Variants in PLXNC1 observed in about 807,000 individuals in gnomAD.
The protein encoded by PLXNC1 is plexin C1.
PLXNC1 carries 75 observed loss-of-function variants against 178.2 expected under a neutral mutation model. That is an observed-to-expected ratio of 0.42 (90% CI 0.35 to 0.51). The LOEUF (loss-of-function observed/expected upper bound fraction) is 0.51, where lower values mean the gene tolerates loss of function less well. Ranked by LOEUF, PLXNC1 falls within the 20% of genes least tolerant of loss-of-function variation. The pLI is 0.02. For missense variants in PLXNC1, 1,503 were observed against 1,984.4 expected (o/e 0.76, Z 4.61); for synonymous variants, 790 against 779.9 (o/e 1.01, Z -0.22).
chr12:94,294,867 G>A (rs1339758711), intron 24 of PLXNC1, among the ~76,000 whole-genome samples: 2 of 152,128 alleles, frequency 1.3e-5, no homozygotes, highest in East Asian at 3.8e-4. Context: ...AGATCCCCCT[G>A]GCAAACTGAG....
At chr12:94,211,528 A>C (rs927592505) in intron 5 of PLXNC1, among the ~76,000 whole-genome samples, 16 of 147,196 alleles carry the variant, frequency 1.1e-4, no homozygotes, top group African/African-American at 3.2e-4. Context: ...GTTCAGTTCC[A>C]CCTATTAGCT....
At chr12:94,285,902 C>A (rs935272530) in intron 23 of PLXNC1, among the ~76,000 whole-genome samples, 2 of 152,182 alleles carry the variant, frequency 1.3e-5, no homozygotes, top group Non-Finnish European at 2.9e-5. Flanking sequence ...GGCTTCTCAG[C>A]ATCCCTTGGC....
chr12:94,179,863 C>T (rs897507373), intron 2 of PLXNC1, among the ~76,000 whole-genome samples: 35 of 151,914 alleles, frequency 2.3e-4, no homozygotes, highest in African/African-American at 6.8e-4. Context: ...CTTATTTGAT[C>T]CTTACAAAAC....
At chr12:94,200,346 G>T (rs1340966348) in intron 4 of PLXNC1, among the ~76,000 whole-genome samples, 1 of 152,166 alleles carries the variant, frequency 6.6e-6, no homozygotes, top group Non-Finnish European at 1.5e-5. Context: ...TTGTCTCTGT[G>T]ACCTAATATT....
chr12:94,297,048 T>C lies in PLXNC1; in HGVS notation c.3935-141T>C, dbSNP rs547751149. On this transcript the variant is annotated intron_variant, in intron 24 of 30. Coordinates refer to ENST00000258526, the MANE Select transcript of PLXNC1 (RefSeq NM_005761.3). ...TCTTAAGATGCAGCAGGGGGAAAAA[T>C]GTAGCTATGGAGAGCTCAAGTCAAA... 14 of 732,822 alleles carry C rather than the reference T, an allele frequency of 1.9e-5. No individual in the cohort carries two copies. The South Asian group carries it at 2.4e-4, about 13-fold the overall frequency. The allele number at this position is 732,822 out of a possible 1,614,324, so 45.4% of individuals were successfully genotyped here.
chr12:94,271,025 C>T (rs748795442), intron 21 of PLXNC1, among the ~76,000 whole-genome samples: 2 of 152,194 alleles, frequency 1.3e-5, no homozygotes, highest in East Asian at 1.9e-4. Context: ...ACTTGCACTT[C>T]TAACTGGCCT....
At chr12:94,254,976 A>T in intron 16 of PLXNC1, 88 bp downstream of exon 16, 1 of 1,102,374 alleles carries the variant, frequency 9.1e-7, no homozygotes, top group East Asian at 2.6e-5. Context: ...TGGCCACAGT[A>T]ATGAGAACTG....
chr12:94,269,206 G>A lies in PLXNC1; in HGVS notation c.3597+3981G>A, dbSNP rs537916770. Among the ~76,000 whole-genome samples, 185 of 152,320 alleles carry A rather than the reference G, an allele frequency of 1.2e-3. 2 individuals are homozygous for A. The highest frequency in any genetic ancestry group is 4.3e-3 in the African/African-American group (179 of 41,572). The stretch of plus-strand genomic sequence containing the variant: ...TAGAAAACGAGCTTGCCAATCTGCT[G>A]TATCTGAGAGAGAGCATCTTGGCAC... On this transcript the variant is annotated intron_variant, in intron 21 of 30. Transcript: ENST00000258526.
At position 94,182,893 on chromosome 12, in the gene PLXNC1, A is replaced by ATCTG. The variant is rs1439947045; in HGVS notation, c.1338+1316_1338+1317insGTCT. On this transcript the variant is annotated intron_variant, in intron 3 of 30. Coordinates refer to ENST00000258526, the MANE Select transcript of PLXNC1 (RefSeq NM_005761.3). ...TATCTATCTATCTATCTATCTATCT[A>ATCTG]TCTATCTATCTATCATCTATCTATC... is the stretch of plus-strand genomic sequence containing the variant. 2.6e-5 allele frequency among the ~76,000 whole-genome samples: 4 copies of ATCTG among 151,944 alleles called. No individual in the cohort carries two copies. The East Asian group carries it at 7.7e-4, about 29-fold the overall frequency.
At position 94,260,915 on chromosome 12, in the gene PLXNC1, G is replaced by C; in HGVS notation, c.3450+75G>C. On this transcript the variant is annotated intron_variant, in intron 20 of 30. Transcript: ENST00000258526. This position sits in a 1 kb window ranked among gnomAD's most constrained non-coding sequence, Gnocchi z 4.4. ...ATTTTTAGCGGACTCTGATGCCTTT[G>C]CCAGGATAAATCCTGAATGCTCGAT... 7.8e-7 allele frequency: 1 copy of C among 1,278,016 alleles called. No homozygotes were observed. The allele number at this position is 1,278,016 out of a possible 1,614,324, so 79.2% of individuals were successfully genotyped here.
intron 9 of PLXNC1, 163 bp downstream of exon 9, chr12:94,227,398 G>T: frequency 1.8e-6 from 1 of 541,556 alleles, no homozygotes; most frequent in Non-Finnish European, 3.3e-6. Flanking sequence ...CTTAATTAGC[G>T]CAATACATCA....
At chr12:94,299,200 T>C (rs1388885043) in intron 27 of PLXNC1, among the ~76,000 whole-genome samples, 2 of 152,226 alleles carry the variant, frequency 1.3e-5, no homozygotes, top group African/African-American at 4.8e-5. Context: ...TCTGATTCTG[T>C]ACAGAAATTT....
intron 3 of PLXNC1, among the ~76,000 whole-genome samples, chr12:94,183,058 C>T (rs967108841): frequency 6.6e-6 from 1 of 152,172 alleles, no homozygotes; most frequent in African/African-American, 2.4e-5. Flanking sequence ...ACCGTTTGAA[C>T]ATGGAAAGTG....
chr12:94,279,371 C>A, intron 21 of PLXNC1, 101 bp from the exon 22 acceptor site: 2 of 874,046 alleles, frequency 2.3e-6, no homozygotes, highest in Non-Finnish European at 1.8e-6. Context: ...AATGTGCTGT[C>A]AGAGGTATTA....
Position 94,227,169 on chromosome 12 carries a change from C to G in PLXNC1, c.1914C>G (p.Val638=), listed in dbSNP as rs749082376. The G allele has an allele frequency of 6.2e-7, 1 of 1,612,108 alleles. No individual in the cohort carries two copies. Among genetic ancestry groups the G allele is most frequent in the Non-Finnish European group, 8.5e-7 (1 of 1,178,170 alleles). Residue 638 remains valine (V), a synonymous_variant, in exon 9 of 31, where the codon GTC becomes GTG. Coordinates refer to ENST00000258526, the MANE Select transcript of PLXNC1 (RefSeq NM_005761.3). ...ERNQEQCPVA[V]EKTSGGGRPK... is the part of the protein sequence containing the mutation. ...TCCAGGAACAGTGTCCAGTGGCTGT[C>G]GAGAAGACATCAGGAGGAGGAAGAC... is the stretch of plus-strand genomic sequence containing the variant.
Position 94,240,656 on chromosome 12 carries a change from C to T in PLXNC1, c.2292C>T (p.Thr764=). ...PHCSLIFPAT[T]WISGGQNITM... ...GTTCCCTTATATTTCCTGCTACCAC[C>T]TGGATCAGGTACTTTCTAGATTCAT... Residue 764 remains threonine (T), a synonymous_variant, in exon 11 of 31, where the codon ACC becomes ACT. Coordinates refer to ENST00000258526, the MANE Select transcript of PLXNC1 (RefSeq NM_005761.3). 6.2e-7 allele frequency: 1 copy of T among 1,609,572 alleles called. No individual in the cohort carries two copies. The highest frequency in any genetic ancestry group is 1.1e-5 in the South Asian group (1 of 90,756).
chr12:94,189,694 T>A (rs866852738), intron 4 of PLXNC1, among the ~76,000 whole-genome samples: 52 of 150,798 alleles, frequency 3.4e-4, no homozygotes, highest in African/African-American at 1.2e-3. Context: ...AAAAAAAAAA[T>A]TGTTGGAACT....
At chr12:94,170,191 G>A (rs556533636) in intron 2 of PLXNC1, among the ~76,000 whole-genome samples, 19 of 152,070 alleles carry the variant, frequency 1.2e-4, no homozygotes, top group Non-Finnish European at 2.1e-4. Context: ...CAGATAACTC[G>A]CTGTGTGACT....
rs780213957 is a variant in PLXNC1 at position 94,186,385 on chromosome 12, C to T, written c.1351C>T (p.Arg451Cys). The T allele has an allele frequency of 7.4e-6, 12 of 1,610,786 alleles. No homozygotes were observed. Among genetic ancestry groups the T allele is most frequent in the Non-Finnish European group, 1.0e-5 (12 of 1,177,088 alleles). ...LTAGKEVRRI[R>C]VANCNKHKSC... is the part of the protein sequence containing the mutation. Reference sequence around the variant, plus strand: ...TCTTTCCTTTTAGGTGAGGAGAATTCGTGTTGCAAACTGCAATAAACATAA... The same window carrying T: ...TCTTTCCTTTTAGGTGAGGAGAATTTGTGTTGCAAACTGCAATAAACATAA... The change falls in exon 4 of 31, where the codon CGT becomes TGT. Residue 451 changes from arginine (R) to cysteine (C), a missense_variant. Transcript: ENST00000258526.
Sources: allele counts gnomAD v4.1 joint callset (sites outside exome capture counted in the v4.1 genomes callset), GRCh38; gene constraint gnomAD v4.1.1; non-coding constraint Gnocchi (gnomAD v3.1); transcripts MANE v1.5; gene names NCBI Gene and HGNC (gene_info 2026-07-23, HGNC 2026-07-21).